C10orf90: variants seen among roughly 807,000 people sequenced by gnomAD.
C10orf90 encodes (E2-independent) E3 ubiquitin-conjugating enzyme FATS.
C10orf90 carries 56 observed loss-of-function variants against 62.5 expected under a neutral mutation model. The ratio of observed to expected loss-of-function variants is 0.90; its 90% confidence interval spans 0.72 to 1.12. The LOEUF (loss-of-function observed/expected upper bound fraction) is 1.12, where lower values mean the gene tolerates loss of function less well. Among genes scored for constraint, C10orf90 ranks in the 50% most tolerant of loss-of-function variants. The pLI is 0.00. For synonymous variants in C10orf90, 386 were observed against 340.4 expected (o/e 1.13, Z -1.47); for missense variants, 970 against 880.4 (o/e 1.10, Z -1.29).
intron 2 of C10orf90, among the ~76,000 whole-genome samples, chr10:126,565,056 TAAA>T (rs373157850): frequency 1.5e-4 from 4 of 26,424 alleles, no homozygotes; most frequent in African/African-American, 4.9e-4. Context: ...ATATAATATA[TAAA>T]ATATATATTA....
intron 4 of C10orf90, among the ~76,000 whole-genome samples, chr10:126,499,598 G>A (rs373152868): frequency 1.3e-5 from 2 of 152,138 alleles, no homozygotes; most frequent in Non-Finnish European, 2.9e-5. Flanking sequence ...CGCTATTAAT[G>A]TGGCAGACCA....
At chr10:126,586,677 A>G (rs1844877805) in intron 2 of C10orf90, among the ~76,000 whole-genome samples, 1 of 152,140 alleles carries the variant, frequency 6.6e-6, no homozygotes, top group South Asian at 2.1e-4. Flanking sequence ...GAAGTGCCGG[A>G]CTTGGAGGAC....
In C10orf90 at chr10:126,470,869, C is replaced by T. The variant is rs550027585; in HGVS notation, c.1535-5883G>A. 3.1e-3 allele frequency among the ~76,000 whole-genome samples: 473 copies of T among 151,934 alleles called. 1 individual carries two copies. Among genetic ancestry groups the T allele is most frequent in the Non-Finnish European group, 5.9e-3 (399 of 67,916 alleles). On this transcript the variant is annotated intron_variant, in intron 4 of 9. Coordinates refer to ENST00000488181, the MANE Select transcript of C10orf90 (RefSeq NM_001350921.2). ...ACAAGACTGGTAGATATTTTCTCTGCTTTTTTTTCTGGTTAAGGCTTCAAC... is the reference window on the plus strand; with the variant it reads ...ACAAGACTGGTAGATATTTTCTCTGTTTTTTTTTCTGGTTAAGGCTTCAAC...
At position 126,496,653 on chromosome 10, in the gene C10orf90, C is replaced by T. The variant is rs574792520; in HGVS notation, c.1534+7304G>A. 6 of 985,402 alleles carry T rather than the reference C, an allele frequency of 6.1e-6. No individual in the cohort carries two copies. The South Asian group carries it at 1.9e-4, about 31-fold the overall frequency. The allele number at this position is 985,402 out of a possible 1,614,324, so 61.0% of individuals were successfully genotyped here. On this transcript the variant is annotated intron_variant, in intron 4 of 9. Transcript: ENST00000488181. ...CTAGTTTTAACTTTACTTTTCACAA[C>T]CTACCTCTTGGCGGTGAGTCTTTCA...
intron 2 of C10orf90, among the ~76,000 whole-genome samples, chr10:126,594,281 G>T (rs145578626): frequency 6.6e-6 from 1 of 152,026 alleles, no homozygotes; most frequent in Non-Finnish European, 1.5e-5. Flanking sequence ...GAGACAAATC[G>T]TGTGTCTGTG....
intron 1 of C10orf90, among the ~76,000 whole-genome samples, chr10:126,662,681 C>T (rs1846540993): frequency 1.3e-5 from 2 of 152,222 alleles, no homozygotes; most frequent in Admixed American, 6.5e-5. Context: ...GGAAACCTCC[C>T]ACTCTTCCAT....
chr10:126,494,421 C>T (rs1443982635), intron 4 of C10orf90, among the ~76,000 whole-genome samples: 1 of 152,124 alleles, frequency 6.6e-6, no homozygotes, highest in Non-Finnish European at 1.5e-5. Context: ...CAACGAAGTG[C>T]ACATTTGTTG....
At chr10:126,617,200 T>C (rs1255419889) in intron 2 of C10orf90, among the ~76,000 whole-genome samples, 1 of 152,214 alleles carries the variant, frequency 6.6e-6, no homozygotes, top group African/African-American at 2.4e-5. Context: ...CAAACTACTG[T>C]ACCCACTCAC....
At chr10:126,552,139 C>CGAA (rs1334928506) in intron 2 of C10orf90, among the ~76,000 whole-genome samples, 1 of 152,094 alleles carries the variant, frequency 6.6e-6, no homozygotes, top group African/African-American at 2.4e-5. Context: ...TTAGGGTCAT[C>CGAA]AGTGTAAAAA....
intron 2 of C10orf90, among the ~76,000 whole-genome samples, chr10:126,555,892 A>G (rs896421755): frequency 3.9e-5 from 6 of 152,134 alleles, no homozygotes; most frequent in African/African-American, 1.4e-4. Context: ...ATAGAGAGAA[A>G]TGACTATACT....
intron 2 of C10orf90, among the ~76,000 whole-genome samples, chr10:126,557,783 T>A (rs1472173839): frequency 2.0e-5 from 3 of 152,034 alleles, no homozygotes; most frequent in African/African-American, 7.2e-5. Flanking sequence ...TGTGAGTAGG[T>A]CACTTCTTTC....
At chr10:126,581,695 C>A (rs1844755773) in intron 2 of C10orf90, among the ~76,000 whole-genome samples, 2 of 152,168 alleles carry the variant, frequency 1.3e-5, no homozygotes, top group African/African-American at 4.8e-5. Flanking sequence ...CTTATGTGGC[C>A]TTGTAAAATA....
intron 4 of C10orf90, among the ~76,000 whole-genome samples, chr10:126,473,180 T>C (rs1211554773): frequency 6.6e-6 from 1 of 152,160 alleles, no homozygotes; most frequent in Non-Finnish European, 1.5e-5. Context: ...TCTGAGTTTG[T>C]AGATTAAAGG....
chr10:126,600,164 C>T (rs746033589), intron 2 of C10orf90, among the ~76,000 whole-genome samples: 7 of 151,664 alleles, frequency 4.6e-5, no homozygotes, highest in Non-Finnish European at 1.5e-5. Flanking sequence ...GTGTGCGTAT[C>T]GCATGTGTGT....
intron 2 of C10orf90, among the ~76,000 whole-genome samples, chr10:126,529,833 G>T (rs987981975): frequency 5.9e-5 from 9 of 152,142 alleles, no homozygotes; most frequent in Non-Finnish European, 1.3e-4. Flanking sequence ...CTAACATCTA[G>T]CAATTCTGCT....
At chr10:126,651,698 T>C (rs371625794) in intron 1 of C10orf90, among the ~76,000 whole-genome samples, 16 of 152,294 alleles carry the variant, frequency 1.1e-4, no homozygotes, top group South Asian at 1.0e-3. Context: ...CTGCTGCCAG[T>C]GCCCTCCCCC....
chr10:126,584,819 C>T (rs775748463), intron 2 of C10orf90, among the ~76,000 whole-genome samples: 7 of 152,106 alleles, frequency 4.6e-5, no homozygotes, highest in African/African-American at 1.2e-4. Context: ...CTTTCCACCT[C>T]GATCCCTGAG....
intron 2 of C10orf90, among the ~76,000 whole-genome samples, chr10:126,561,473 A>G (rs184564507): frequency 1.0e-3 from 156 of 152,320 alleles, no homozygotes; most frequent in African/African-American, 3.6e-3. Flanking sequence ...GTAGGCAATT[A>G]CATTTTATCA....
rs115734681 is a variant in C10orf90 at position 126,531,372 on chromosome 10, G to A, written c.314-17433C>T. On this transcript the variant is annotated intron_variant, in intron 2 of 9. Transcript: ENST00000488181. Reference sequence around the variant, plus strand: ...ACGCTAAAGCAATCAGGGGTGCTGCGAAACCCCTGAGGATGCACGGGACAG... The same window carrying A: ...ACGCTAAAGCAATCAGGGGTGCTGCAAAACCCCTGAGGATGCACGGGACAG... Among the ~76,000 whole-genome samples, 955 of 152,218 alleles carry A rather than the reference G, an allele frequency of 6.3e-3. 11 individuals carry two copies. Among genetic ancestry groups the A allele is most frequent in the African/African-American group, 0.021 (884 of 41,512 alleles).
Sources: allele counts gnomAD v4.1 joint callset (sites outside exome capture counted in the v4.1 genomes callset), GRCh38; gene constraint gnomAD v4.1.1; transcripts MANE v1.5; gene names NCBI Gene and HGNC (gene_info 2026-07-23, HGNC 2026-07-21).